The following PRKN variants were observed in gnomAD, a reference collection of about 807,000 sequenced individuals.
The protein encoded by PRKN is parkin RBR E3 ubiquitin protein ligase.
In PRKN, 56 loss-of-function variants were observed where a neutral mutation model predicts 59.5. The ratio of observed to expected loss-of-function variants is 0.94; its 90% confidence interval spans 0.76 to 1.18. The LOEUF (loss-of-function observed/expected upper bound fraction) is 1.18, where lower values mean the gene tolerates loss of function less well. PRKN is among the 50% of genes most tolerant of loss of function. The pLI is 0.00. For synonymous variants in PRKN, 250 were observed against 222.1 expected, an observed-to-expected ratio of 1.13 and a Z score of -1.12; for missense variants, 657 against 596.4, an observed-to-expected ratio of 1.10 and a Z score of -1.06.
At chr6:161,952,620 A>C (rs2128246278) in intron 6 of PRKN, among the ~76,000 whole-genome samples, 1 of 152,330 alleles carries the variant, frequency 6.6e-6, no homozygotes, top group African/African-American at 2.4e-5. Context: ...CCATCTCAAA[A>C]AATAAATACA....
rs76432416 is a variant in PRKN at position 161,514,648 on chromosome 6, G to A, written c.1083+34206C>T. ...AGGAAACTGGAGTTGGGGGATAGCC[G>A]TTTGTCCTGATGATTAGAGGCTGGT... On this transcript the variant is annotated intron_variant, in intron 9 of 11. Transcript: ENST00000366898. 9.3e-3 allele frequency among the ~76,000 whole-genome samples: 1,419 copies of A among 152,132 alleles called. 20 individuals are homozygous for A. The highest frequency in any genetic ancestry group is 0.033 in the African/African-American group (1,354 of 41,494).
intron 2 of PRKN, among the ~76,000 whole-genome samples, chr6:162,425,999 G>A (rs1050991912): frequency 5.9e-5 from 9 of 152,124 alleles, no homozygotes; most frequent in Admixed American, 1.3e-4. Flanking sequence ...CAAAAATACT[G>A]CAAGTAGACT....
At position 161,663,157 on chromosome 6, in the gene PRKN, C is replaced by T. The variant is rs189551677; in HGVS notation, c.872-93741G>A. ...CCAGGAATGTGAGGCTTCCCAGTCA[C>T]GTGGAACTGTGAGTCCATTATGCCT... On this transcript the variant is annotated intron_variant, in intron 7 of 11. Transcript: ENST00000366898. Among the ~76,000 whole-genome samples the T allele has an allele frequency of 2.4e-3, 361 of 152,300 alleles. 4 individuals carry two copies. The highest frequency in any genetic ancestry group is 9.5e-3 in the South Asian group (46 of 4,828).
At chr6:162,136,473 G>A (rs571135248) in intron 4 of PRKN, among the ~76,000 whole-genome samples, 11 of 152,168 alleles carry the variant, frequency 7.2e-5, no homozygotes, top group African/African-American at 9.7e-5. Context: ...ACTGCTAAGC[G>A]ATATGTGTTG....
chr6:161,828,929 C>CAAAA (rs11301137), intron 6 of PRKN, among the ~76,000 whole-genome samples: 2 of 125,234 alleles, frequency 1.6e-5, no homozygotes, highest in Non-Finnish European at 3.4e-5. Context: ...GACTCCATCT[C>CAAAA]AAAAAAAAAA....
At chr6:161,944,156 G>GAGGGACCAGCCTGAGGGAT (rs1779695903) in intron 6 of PRKN, among the ~76,000 whole-genome samples, 6 of 152,154 alleles carry the variant, frequency 3.9e-5, no homozygotes, top group African/African-American at 1.2e-4. Context: ...GAATCTGGCT[G>GAGGGACCAGCCTGAGGGAT]CAGGGAAAAT....
chr6:161,830,272 G>A (rs954168022), intron 6 of PRKN, among the ~76,000 whole-genome samples: 7 of 148,046 alleles, frequency 4.7e-5, no homozygotes, highest in Non-Finnish European at 7.4e-5. Context: ...TTTTTTTTGA[G>A]ATGGAGTCTC....
intron 8 of PRKN, among the ~76,000 whole-genome samples, chr6:161,563,442 C>G (rs1261117772): frequency 6.6e-6 from 1 of 152,134 alleles, no homozygotes; most frequent in Admixed American, 6.5e-5. Context: ...CTCCAGACAT[C>G]ATACCTGATT....
chr6:162,109,400 A>G (rs7761505), intron 4 of PRKN, among the ~76,000 whole-genome samples: 92,475 of 152,140 alleles, frequency 0.61, 28,474 homozygotes, highest in East Asian at 0.73. Context: ...AGCCAATGAC[A>G]AAACACTGCA....
chr6:162,339,727 C>T (rs947071033), intron 2 of PRKN, among the ~76,000 whole-genome samples: 4 of 152,052 alleles, frequency 2.6e-5, no homozygotes, highest in East Asian at 1.9e-4. Flanking sequence ...ATTGAGAAAT[C>T]GGATGGTTGC....
intron 6 of PRKN, among the ~76,000 whole-genome samples, chr6:161,911,415 C>T (rs1459654966): frequency 1.3e-5 from 2 of 152,164 alleles, no homozygotes; most frequent in Non-Finnish European, 2.9e-5. Flanking sequence ...ACCCCCTTCC[C>T]ACATTCTGTA....
rs1017295343 is a variant in PRKN, at chr6:161,840,401, C to T, written c.735-54493G>A. 3.3e-5 allele frequency among the ~76,000 whole-genome samples: 5 copies of T among 152,198 alleles called. No individual in the cohort carries two copies. In the South Asian group the frequency reaches 6.2e-4, roughly 19 times the overall value. On this transcript the variant is annotated intron_variant, in intron 6 of 11. Coordinates refer to ENST00000366898, the MANE Select transcript of PRKN (RefSeq NM_004562.3). ...CAGCTGAGAGCTGGGAAAGCCATCTCGAAGATTGCCACATCACAGGAGAAA... is the reference window on the plus strand; with the variant it reads ...CAGCTGAGAGCTGGGAAAGCCATCTTGAAGATTGCCACATCACAGGAGAAA...
At chr6:161,424,350 A>G (rs1481365888) in intron 9 of PRKN, among the ~76,000 whole-genome samples, 3 of 152,026 alleles carry the variant, frequency 2.0e-5, no homozygotes, top group Non-Finnish European at 4.4e-5. Flanking sequence ...AAAAAAAAAA[A>G]AAAAAAGAAT....
chr6:162,162,462 G>T (rs753449124), intron 4 of PRKN, among the ~76,000 whole-genome samples: 11 of 152,086 alleles, frequency 7.2e-5, no homozygotes, highest in Non-Finnish European at 1.0e-4. Flanking sequence ...ATTGGGTTTG[G>T]TACTGCCCAA....
rs182928580 is a variant in PRKN at position 161,861,873 on chromosome 6, C to T, written c.735-75965G>A. On this transcript the variant is annotated intron_variant, in intron 6 of 11. Transcript: ENST00000366898. ...TCCTGTCACTTCCTCAACTAATGAT[C>T]ACAAACTTGCTGCCTTAATATAACA... 3.3e-3 allele frequency among the ~76,000 whole-genome samples: 504 copies of T among 152,254 alleles called. 2 individuals are homozygous for T. Among genetic ancestry groups the T allele is most frequent in the African/African-American group, 0.011 (471 of 41,552 alleles).
intron 1 of PRKN, among the ~76,000 whole-genome samples, chr6:162,514,817 G>T (rs1777776233): frequency 6.6e-6 from 1 of 151,994 alleles, no homozygotes; most frequent in Admixed American, 6.6e-5. Flanking sequence ...CATCAAAAAT[G>T]AGACTATATT....
intron 4 of PRKN, among the ~76,000 whole-genome samples, chr6:162,059,202 C>T (rs1777995234): frequency 6.6e-6 from 1 of 152,084 alleles, no homozygotes; most frequent in South Asian, 2.1e-4. Context: ...CTGACAAATT[C>T]GTGTTCTACA....
chr6:162,036,020 T>A (rs1783823624), intron 5 of PRKN, among the ~76,000 whole-genome samples: 1 of 152,082 alleles, frequency 6.6e-6, no homozygotes, highest in African/African-American at 2.4e-5. Flanking sequence ...AACAAAGACA[T>A]AACGCCATAA....
Position 161,487,296 on chromosome 6 carries a change from G to A in PRKN, c.1083+61558C>T, listed in dbSNP as rs1268074139. Among the ~76,000 whole-genome samples, 1 of 152,106 alleles carries A rather than the reference G, an allele frequency of 6.6e-6. No homozygotes were observed. The highest frequency in any genetic ancestry group is 6.5e-5 in the Admixed American group (1 of 15,268). On this transcript the variant is annotated intron_variant, in intron 9 of 11. Transcript: ENST00000366898. This position sits in a 1 kb window ranked among gnomAD's most constrained non-coding sequence, Gnocchi z 5.3. Reference sequence around the variant, plus strand: ...TAACAACTGCTCAGTGAAGGGGCTGGGACTCCCAGCACTTGCCTGGTTCAG... The same window carrying A: ...TAACAACTGCTCAGTGAAGGGGCTGAGACTCCCAGCACTTGCCTGGTTCAG...
Sources: allele counts gnomAD v4.1 joint callset (sites outside exome capture counted in the v4.1 genomes callset), GRCh38; gene constraint gnomAD v4.1.1; non-coding constraint Gnocchi (gnomAD v3.1); transcripts MANE v1.5; gene names NCBI Gene and HGNC (gene_info 2026-07-23, HGNC 2026-07-21).